UBXN8: variants seen among roughly 807,000 people sequenced by gnomAD.
UBXN8 encodes the protein UBX domain protein 8.
A neutral mutation model predicts 32.1 loss-of-function variants in UBXN8; 27 were observed. That is an observed-to-expected ratio of 0.84 (90% CI 0.62 to 1.16). The LOEUF (loss-of-function observed/expected upper bound fraction) is 1.16. UBXN8 is among the 50% of genes most tolerant of loss of function. UBXN8 has a pLI of 0.00. For synonymous variants in UBXN8, 109 were observed against 111.8 expected, an observed-to-expected ratio of 0.98 and a Z score of 0.16; for missense variants, 306 against 311.4, an observed-to-expected ratio of 0.98 and a Z score of 0.13.
At chr8:30,764,019 G>A (rs1407228853) in intron 7 of UBXN8, among the ~76,000 whole-genome samples, 1 of 152,032 alleles carries the variant, frequency 6.6e-6, no homozygotes, top group Non-Finnish European at 1.5e-5. Flanking sequence ...AAACAATACT[G>A]TGGTTGTTAG....
upstream of UBXN8, among the ~76,000 whole-genome samples, chr8:30,732,012 C>T (rs560547080): frequency 1.3e-5 from 2 of 152,210 alleles, no homozygotes; most frequent in African/African-American, 2.4e-5. Context: ...ACAGCTGGTT[C>T]ACCTGCTTGG....
upstream of UBXN8, among the ~76,000 whole-genome samples, chr8:30,739,671 T>TA (rs1255039727): frequency 1.3e-5 from 2 of 152,250 alleles, no homozygotes; most frequent in Non-Finnish European, 2.9e-5. Context: ...ATACTGTCCT[T>TA]ATGCACAATT....
chr8:30,753,206 T>A (rs1013021109), intron 3 of UBXN8, 101 bp downstream of exon 3: 5 of 1,328,784 alleles, frequency 3.8e-6, no homozygotes, highest in Non-Finnish European at 3.9e-6. Context: ...GCTAAGATTT[T>A]AAAAAATATA....
chr8:30,734,769 C>A (rs1316938023), intron 1 of UBXN8, among the ~76,000 whole-genome samples: 3 of 152,200 alleles, frequency 2.0e-5, no homozygotes, highest in Middle Eastern at 3.4e-3. Flanking sequence ...CATAGTAAGA[C>A]CTGGTCTCTA....
upstream of UBXN8, chr8:30,744,111 A>G: frequency 1.4e-6 from 2 of 1,403,678 alleles, no homozygotes; most frequent in South Asian, 1.2e-5. Flanking sequence ...GGCCCGCGGC[A>G]AGAAGAGTTC....
chr8:30,754,516 C>G, intron 3 of UBXN8, 149 bp from the exon 4 acceptor site: 1 of 1,066,372 alleles, frequency 9.4e-7, no homozygotes, highest in Non-Finnish European at 1.4e-6. Flanking sequence ...GCACGAGCCT[C>G]CCCACAACCA....
intron 1 of UBXN8, among the ~76,000 whole-genome samples, chr8:30,749,637 T>C (rs1269598126): frequency 1.3e-5 from 2 of 148,812 alleles, no homozygotes; most frequent in South Asian, 2.1e-4. Flanking sequence ...ACAGAGTCTC[T>C]CTCTGTCGCC....
chr8:30,754,962 T>TG (rs1205833285), intron 4 of UBXN8, among the ~76,000 whole-genome samples, 175 bp downstream of exon 4: 31 of 151,284 alleles, frequency 2.0e-4, no homozygotes, highest in Non-Finnish European at 4.0e-4. Context: ...GGTCGTTTTT[T>TG]TTTTTTTTTT....
rs748408113 is a variant in UBXN8, at chr8:30,763,334, C to T, written c.632C>T (p.Ser211Phe). Residue 211 changes from serine to phenylalanine, a missense_variant, in exon 7 of 8, where the codon TCC (serine) becomes TTC (phenylalanine). Coordinates refer to ENST00000265616, the MANE Select transcript of UBXN8 (RefSeq NM_005671.4). ...GNVLRRRFLK[S>F]YSSQVLFDWM... ...GTCCTGAGGAGAAGGTTTTTGAAGT[C>T]CTACAGCTCACAGGTAAGTGAAGGA... The T allele has an allele frequency of 1.2e-6, 2 of 1,613,688 alleles. No individual in the cohort carries two copies. Among genetic ancestry groups the T allele is most frequent in the South Asian group, 1.1e-5 (1 of 91,072 alleles).
At chr8:30,753,397 C>T (rs1275102241) in intron 3 of UBXN8, among the ~76,000 whole-genome samples, 1 of 152,152 alleles carries the variant, frequency 6.6e-6, no homozygotes, top group Non-Finnish European at 1.5e-5. Context: ...GCTGGGATTA[C>T]AGGTGCGCAC....
intron 4 of UBXN8, chr8:30,756,119 G>A (rs1303271294): frequency 6.6e-6 from 1 of 151,816 alleles, no homozygotes; most frequent in Non-Finnish European, 1.5e-5. Flanking sequence ...CTGCCTCTCA[G>A]GTTCAAGCAA....
chr8:30,743,791 T>C (rs1222825697), upstream of UBXN8, among the ~76,000 whole-genome samples: 1 of 152,220 alleles, frequency 6.6e-6, no homozygotes, highest in Non-Finnish European at 1.5e-5. Context: ...ATTCATCCTA[T>C]ACGGCCACAA....
At chr8:30,757,375 C>T (rs1805690381) in intron 5 of UBXN8, among the ~76,000 whole-genome samples, 1 of 151,716 alleles carries the variant, frequency 6.6e-6, no homozygotes, top group African/African-American at 2.4e-5. Flanking sequence ...CATGGTGAAA[C>T]CCCATCTCTA....
chr8:30,733,819 T>G (rs2128751568), intron 1 of UBXN8: 1 of 152,272 alleles, frequency 6.6e-6, no homozygotes, highest in South Asian at 2.1e-4. Context: ...GGAACTACAT[T>G]TTGACCAACA....
intron 6 of UBXN8, chr8:30,763,054 G>A (rs1476517463): frequency 5.9e-6 from 3 of 505,840 alleles, no homozygotes; most frequent in Non-Finnish European, 1.1e-5. Context: ...TTTTTATGGC[G>A]GGGGGTGTCT....
intron 7 of UBXN8, among the ~76,000 whole-genome samples, chr8:30,763,678 C>T (rs1188641141): frequency 6.7e-6 from 1 of 150,270 alleles, no homozygotes; most frequent in Admixed American, 6.6e-5. Flanking sequence ...TAACTTTAGA[C>T]TTTTTTTTTT....
At chr8:30,760,420 C>CATAT (rs1307823939) in intron 5 of UBXN8, among the ~76,000 whole-genome samples, 1,620 of 85,540 alleles carry the variant, frequency 0.019, 48 homozygotes, top group Non-Finnish European at 0.027. Flanking sequence ...CATACACAAT[C>CATAT]ATATATATAT....
At position 30,760,906 on chromosome 8, in the gene UBXN8, G is replaced by C; in HGVS notation, c.547G>C (p.Glu183Gln). ...TCTTTAGATTCCTGATTTACCTGAA[G>C]AACCTTCTCAAACAGCAGAAGAAGT... ...TCKEIPDLPE[E>Q]PSQTAEEVVT... Residue 183 changes from glutamate (E) to glutamine (Q), a missense_variant, in exon 6 of 8, where the codon GAA becomes CAA. Transcript: ENST00000265616. The C allele has an allele frequency of 6.5e-7, 1 of 1,537,158 alleles. No individual in the cohort carries two copies. The highest frequency in any genetic ancestry group is 8.8e-7 in the Non-Finnish European group (1 of 1,141,162).
intron 5 of UBXN8, among the ~76,000 whole-genome samples, chr8:30,758,163 TG>T (rs751583862): frequency 1.2e-4 from 19 of 152,184 alleles, no homozygotes; most frequent in Non-Finnish European, 2.4e-4. Context: ...CCCAAAGTGC[TG>T]GGATTACAGG....
Sources: gnomAD v4.1 joint callset for allele counts (sites outside exome capture counted in the v4.1 genomes callset) on GRCh38, gnomAD v4.1.1 for gene constraint, MANE v1.5 for transcripts, NCBI Gene and HGNC (gene_info 2026-07-23, HGNC 2026-07-21) for gene names.